Variants in PPT2 observed in about 807,000 individuals in gnomAD.
PPT2 encodes palmitoyl-protein thioesterase 2.
In PPT2, 20 loss-of-function variants were observed where a neutral mutation model predicts 37.3. The observed-to-expected ratio is 0.54, with a 90% CI of 0.38 to 0.78. PPT2 has a LOEUF of 0.78. Ranked by LOEUF, PPT2 falls within the 30% of genes least tolerant of loss-of-function variation. PPT2 has a pLI of 0.00. For synonymous variants in PPT2, 135 were observed against 159.1 expected (o/e 0.85, Z 1.14); for missense variants, 270 against 389.8 (o/e 0.69, Z 2.59).
At position 32,154,985 on chromosome 6, in the gene PPT2, G is replaced by A; in HGVS notation, c.184-45G>A. ...GCGGGCCAGGGGGTGGCGTGTGGGA[G>A]CTTCTTAGCCTATCCCCGGTGGCTG... On this transcript the variant is annotated intron_variant, in intron 2 of 8. Coordinates refer to ENST00000324816, the MANE Select transcript of PPT2 (RefSeq NM_005155.7). This position sits in a 1 kb window ranked among gnomAD's most constrained non-coding sequence, Gnocchi z 7.3. 6.2e-7 allele frequency: 1 copy of A among 1,609,896 alleles called. No homozygotes were observed.
At position 32,154,822 on chromosome 6, in the gene PPT2, T is replaced by C. The variant is rs1292356826; in HGVS notation, c.183+45T>C. The C allele has an allele frequency of 6.3e-7, 1 of 1,586,312 alleles. No homozygotes were observed. The highest frequency in any genetic ancestry group is 8.6e-7 in the Non-Finnish European group (1 of 1,161,764). ...GGTGCAGGGCGTTAGAGGCGTCTAC[T>C]GTGGCAGGGGAGGGAGAGCGGGGAA... On this transcript the variant is annotated intron_variant, in intron 2 of 8. Transcript: ENST00000324816. The surrounding 1 kb of genome is among the most constrained non-coding windows in gnomAD (Gnocchi z 7.3).
chr6:32,159,912 G>A (rs1472396416), intron 7 of PPT2, among the ~76,000 whole-genome samples: 2 of 151,860 alleles, frequency 1.3e-5, no homozygotes, highest in African/African-American at 2.4e-5. Flanking sequence ...GGTAGAGACG[G>A]GGTTTCACTG....
rs930449919 is a variant in PPT2, at chr6:32,155,525, G to T, written c.338-163G>T. On this transcript the variant is annotated intron_variant, in intron 3 of 8. Coordinates refer to ENST00000324816, the MANE Select transcript of PPT2 (RefSeq NM_005155.7). This position sits in a 1 kb window ranked among gnomAD's most constrained non-coding sequence, Gnocchi z 4.3. ...GATGTGTGACCTTTTGGCACAGGGT[G>T]TGCCTGCCTTCTGTAAGCCTCAGTC... Among the ~76,000 whole-genome samples the T allele has an allele frequency of 4.0e-5, 6 of 151,234 alleles. No homozygotes were observed.
chr6:32,159,451 A>AAAAAAT (rs1290087556), intron 7 of PPT2, among the ~76,000 whole-genome samples: 29 of 115,106 alleles, frequency 2.5e-4, no homozygotes, highest in African/African-American at 5.2e-4. Context: ...AAAAAAAAAA[A>AAAAAAT]ATATATATAT....
rs761789089 is a variant in PPT2, at chr6:32,162,849, C to T, written c.808C>T (p.Arg270Trp). 50 of 1,613,908 alleles carry T rather than the reference C, an allele frequency of 3.1e-5. No individual in the cohort carries two copies. Among genetic ancestry groups the T allele is most frequent in the Admixed American group, 5.0e-5 (3 of 59,990 alleles). Residue 270 changes from arginine (R) to tryptophan (W), a missense_variant, in exon 9 of 9, where the codon CGG (arginine) becomes TGG (tryptophan). Coordinates refer to ENST00000324816, the MANE Select transcript of PPT2 (RefSeq NM_005155.7). The surrounding 1 kb of genome is among the most constrained non-coding windows in gnomAD (Gnocchi z 5.5). Reference protein sequence around the residue: ...DSFGLKTLLARGAIVRCPMAG... With the variant: ...DSFGLKTLLAWGAIVRCPMAG... The stretch of plus-strand genomic sequence containing the variant: ...TTTTGGGTTGAAGACTCTATTGGCC[C>T]GGGGGGCCATAGTGAGGTGTCCAAT...
At chr6:32,153,903 G>A, upstream of PPT2, 1 of 1,303,330 alleles carries the variant, frequency 7.7e-7, no homozygotes, top group South Asian at 1.7e-5. This position sits in a 1 kb window ranked among gnomAD's most constrained non-coding sequence, Gnocchi z 4.4. Flanking sequence ...GGGCAACGAA[G>A]CCTGGAGAGG....
At position 32,155,651 on chromosome 6, in the gene PPT2, C is replaced by T. The variant is rs1287815849; in HGVS notation, c.338-37C>T. ...TGGGGGGTGCTGCTGGCTTTGCTGT[C>T]CTTAAGTGCCTGCCCAATGTGGTGT... On this transcript the variant is annotated intron_variant, in intron 3 of 8. Transcript: ENST00000324816. This position sits in a 1 kb window ranked among gnomAD's most constrained non-coding sequence, Gnocchi z 4.3. The T allele has an allele frequency of 1.3e-6, 2 of 1,567,378 alleles. No homozygotes were observed. Among genetic ancestry groups the T allele is most frequent in the African/African-American group, 2.7e-5 (2 of 73,184 alleles).
rs1190974835 is a variant in PPT2 at position 32,155,025 on chromosome 6, C to G, written c.184-5C>G. ...CCCGGTGGCTGCATTGCCCCCTTCC[C>G]ACAGACACACCCCGGGACTGTGGTG... On this transcript the variant is annotated splice_region_variant and splice_polypyrimidine_tract_variant and intron_variant, in intron 2 of 8. Coordinates refer to ENST00000324816, the MANE Select transcript of PPT2 (RefSeq NM_005155.7). This position sits in a 1 kb window ranked among gnomAD's most constrained non-coding sequence, Gnocchi z 4.3. 1 of 1,612,636 alleles carries G rather than the reference C, an allele frequency of 6.2e-7. No individual in the cohort carries two copies. Among genetic ancestry groups the G allele is most frequent in the South Asian group, 1.1e-5 (1 of 91,058 alleles).
rs886171619 is a variant in PPT2, at chr6:32,163,141, G to A, written c.*191G>A. 1.8e-5 allele frequency: 11 copies of A among 625,070 alleles called. No individual in the cohort carries two copies. The highest frequency in any genetic ancestry group is 2.7e-5 in the Non-Finnish European group (10 of 368,232). The allele number at this position is 625,070 out of a possible 1,614,324, so 38.7% of individuals were successfully genotyped here. The stretch of plus-strand genomic sequence containing the variant: ...CCCCTTCCTCTGCTCCTCCATGAAT[G>A]ACAATTCCAGGCCTCCCCTACCTCA... On this transcript the variant is annotated 3_prime_UTR_variant, in exon 9 of 9. Transcript: ENST00000324816.
chr6:32,154,246 G>T lies in PPT2; in HGVS notation c.-167G>T. On this transcript the variant is annotated 5_prime_UTR_variant, in exon 1 of 9. In the 5' UTR this introduces an upstream ATG that the reference lacks. Transcript: ENST00000324816. This position sits in a 1 kb window ranked among gnomAD's most constrained non-coding sequence, Gnocchi z 7.3. ...GAGCGAGGCCTACGGACCCAGGCCA[G>T]GTGGGAGTCTGCACTCTTCAAGGGG... The T allele has an allele frequency of 1.7e-6, 2 of 1,211,934 alleles. No individual in the cohort carries two copies. Among genetic ancestry groups the T allele is most frequent in the Non-Finnish European group, 2.1e-6 (2 of 972,526 alleles). 75.1% of individuals were successfully genotyped at this position (1,211,934 alleles called of 1,614,324 possible).
rs766861544 is a variant in PPT2, at chr6:32,155,835, G to A, written c.434-36G>A. ...TGCCCTGAGTTTTGGGGGAACAGAG[G>A]TTTATGGTCACTTAGCATTGCCATT... is the stretch of plus-strand genomic sequence containing the variant. On this transcript the variant is annotated intron_variant, in intron 4 of 8. Transcript: ENST00000324816. This position sits in a 1 kb window ranked among gnomAD's most constrained non-coding sequence, Gnocchi z 4.3. The A allele has an allele frequency of 2.1e-5, 34 of 1,611,148 alleles. No individual in the cohort carries two copies. Among genetic ancestry groups the A allele is most frequent in the African/African-American group, 2.7e-5 (2 of 74,824 alleles).
intron 5 of PPT2, chr6:32,157,402 A>G (rs1582614306): frequency 3.5e-6 from 2 of 569,766 alleles, no homozygotes; most frequent in Non-Finnish European, 6.3e-6. Context: ...TAGTAGAGAC[A>G]GGGTTTCGCC....
At position 32,157,631 on chromosome 6, in the gene PPT2, A is replaced by AC. The variant is rs1391332631; in HGVS notation, c.542-3dup. On this transcript the variant is annotated splice_polypyrimidine_tract_variant and splice_region_variant and intron_variant, in intron 5 of 8. Transcript: ENST00000324816. ...GCTTCTTTTTCTAACTGCTGTTTGT[A>AC]CCCAGATCCCCACCACGATGACTTG... 1 of 1,582,268 alleles carries AC rather than the reference A, an allele frequency of 6.3e-7. No homozygotes were observed. Among genetic ancestry groups the AC allele is most frequent in the East Asian group, 2.2e-5 (1 of 44,724 alleles).
chr6:32,162,701 A>C lies in PPT2; in HGVS notation c.765+79A>C. On this transcript the variant is annotated intron_variant, in intron 8 of 8. Coordinates refer to ENST00000324816, the MANE Select transcript of PPT2 (RefSeq NM_005155.7). This position sits in a 1 kb window ranked among gnomAD's most constrained non-coding sequence, Gnocchi z 5.5. ...AGCCCTCTCTGTGACTCCTGAGCTG[A>C]AGGGTTCACCCTGTGGGGAGGAGGT... 1 of 1,575,240 alleles carries C rather than the reference A, an allele frequency of 6.3e-7. No individual in the cohort carries two copies. Among genetic ancestry groups the C allele is most frequent in the Non-Finnish European group, 8.7e-7 (1 of 1,144,888 alleles).
chr6:32,158,484 A>G (rs1582617293), intron 7 of PPT2, among the ~76,000 whole-genome samples: 2 of 152,162 alleles, frequency 1.3e-5, no homozygotes, highest in African/African-American at 4.8e-5. Context: ...TGTGATCTGT[A>G]ATGTCACCTG....
chr6:32,153,569 A>G, upstream of PPT2: 3 of 1,568,768 alleles, frequency 1.9e-6, no homozygotes, highest in Non-Finnish European at 1.7e-6. This position sits in a 1 kb window ranked among gnomAD's most constrained non-coding sequence, Gnocchi z 4.4. Flanking sequence ...CACTTAGCTC[A>G]AGGGGCCTCG....
At chr6:32,154,031 C>T (rs1783542437), upstream of PPT2, 25 of 1,174,070 alleles carry the variant, frequency 2.1e-5, no homozygotes, top group Non-Finnish European at 2.2e-5. This position sits in a 1 kb window ranked among gnomAD's most constrained non-coding sequence, Gnocchi z 7.3. Flanking sequence ...TCCATTGCCC[C>T]TCCTGTCCTG....
chr6:32,156,047 TAGCA>T lies in PPT2; in HGVS notation c.541+70_541+73del. ...TTGCTTCCACCTCTGCTACAACCAA[TAGCA>T]GTGATGACAATAAAGATAACTTACA... On this transcript the variant is annotated intron_variant, in intron 5 of 8. Transcript: ENST00000324816. This position sits in a 1 kb window ranked among gnomAD's most constrained non-coding sequence, Gnocchi z 4.9. 9.0e-7 allele frequency: 1 copy of T among 1,113,234 alleles called. No homozygotes were observed. The allele number at this position is 1,113,234 out of a possible 1,614,324, so 69.0% of individuals were successfully genotyped here. A position where few individuals can be genotyped will look rare whatever the true frequency, so the allele number is the denominator to read the frequency against.
upstream of PPT2, chr6:32,153,813 G>A: frequency 9.6e-7 from 1 of 1,047,110 alleles, no homozygotes; most frequent in Non-Finnish European, 1.3e-6. This position sits in a 1 kb window ranked among gnomAD's most constrained non-coding sequence, Gnocchi z 4.4. Context: ...TGCAAACTTC[G>A]TGTTCTGCTG....
Sources: allele counts gnomAD v4.1 joint callset (sites outside exome capture counted in the v4.1 genomes callset), GRCh38; gene constraint gnomAD v4.1.1; non-coding constraint Gnocchi (gnomAD v3.1); transcripts MANE v1.5; gene names NCBI Gene and HGNC (gene_info 2026-07-23, HGNC 2026-07-21).